The following NUP93 variants were observed in gnomAD, a reference collection of about 807,000 sequenced individuals.
NUP93 encodes nuclear pore complex protein Nup93.
Under a neutral mutation model 107.8 loss-of-function variants are expected in NUP93, and 55 were observed. The ratio of observed to expected loss-of-function variants is 0.51; its 90% confidence interval spans 0.41 to 0.64. The LOEUF (loss-of-function observed/expected upper bound fraction) is 0.64. Among genes scored for constraint, NUP93 ranks in the 30% least tolerant of loss-of-function variants. NUP93 has a pLI of 0.00. For missense variants in NUP93, 937 were observed against 1,044.7 expected (o/e 0.90, Z 1.42); for synonymous variants, 390 against 397.5 (o/e 0.98, Z 0.22).
At chr16:56,806,776 G>C (rs1255465165) in intron 5 of NUP93, among the ~76,000 whole-genome samples, 2 of 152,134 alleles carry the variant, frequency 1.3e-5, no homozygotes, top group Non-Finnish European at 2.9e-5. Context: ...CTTAAAAGTA[G>C]TATCCCACCT....
chr16:56,815,914 C>CTGGTGCTGCTGCTGCTGCTGG (rs1963420114), intron 5 of NUP93, among the ~76,000 whole-genome samples: 2 of 152,058 alleles, frequency 1.3e-5, no homozygotes, highest in African/African-American at 4.8e-5. Flanking sequence ...GCTGCTGCTG[C>CTGGTGCTGCTGCTGCTGCTGG]TGGTGCTGCT....
intron 21 of NUP93, among the ~76,000 whole-genome samples, chr16:56,844,177 T>G (rs900148082): frequency 2.6e-5 from 4 of 152,190 alleles, no homozygotes; most frequent in Non-Finnish European, 5.9e-5. Flanking sequence ...CAGGCAGTTC[T>G]GAAGCTCAGG....
At chr16:56,812,404 C>T (rs959213274) in intron 5 of NUP93, among the ~76,000 whole-genome samples, 8 of 151,964 alleles carry the variant, frequency 5.3e-5, no homozygotes, top group East Asian at 1.9e-4. Context: ...AGTGCAGTGG[C>T]GCGATCTTGG....
At chr16:56,841,915 T>C in intron 21 of NUP93, 82 bp downstream of exon 21, 11 of 1,553,408 alleles carry the variant, frequency 7.1e-6, no homozygotes, top group Non-Finnish European at 9.6e-6. Flanking sequence ...TGAGACCACA[T>C]GACCCAAAAC....
chr16:56,731,213 T>C (rs1961529310), intron 1 of NUP93, among the ~76,000 whole-genome samples: 1 of 152,104 alleles, frequency 6.6e-6, no homozygotes, highest in Admixed American at 6.5e-5. Context: ...ACCCACTTAA[T>C]ATCTCCACTG....
chr16:56,809,748 G>A (rs867835119), intron 5 of NUP93, among the ~76,000 whole-genome samples: 2 of 152,004 alleles, frequency 1.3e-5, no homozygotes, highest in Non-Finnish European at 2.9e-5. Flanking sequence ...CAGGGTTTTT[G>A]GTTTTGTTTT....
At chr16:56,752,704 T>A (rs1004967319) in intron 2 of NUP93, among the ~76,000 whole-genome samples, 2 of 152,088 alleles carry the variant, frequency 1.3e-5, no homozygotes, top group African/African-American at 4.8e-5. Flanking sequence ...AAAACAATCT[T>A]TAAAAAGCAG....
intron 1 of NUP93, among the ~76,000 whole-genome samples, chr16:56,734,935 T>C (rs1198472766): frequency 1.3e-5 from 2 of 152,194 alleles, no homozygotes; most frequent in African/African-American, 4.8e-5. Flanking sequence ...TCTCTATCTT[T>C]CTGACACGGC....
chr16:56,743,169 A>G (rs181248315), intron 1 of NUP93, among the ~76,000 whole-genome samples: 10 of 152,352 alleles, frequency 6.6e-5, no homozygotes, highest in African/African-American at 2.2e-4. Flanking sequence ...TTTATTTTTC[A>G]TAAGACTCAC....
At chr16:56,839,636 CT>C (rs745963461) in intron 20 of NUP93, 32 bp downstream of exon 20, 14 of 1,532,112 alleles carry the variant, frequency 9.1e-6, no homozygotes, top group South Asian at 2.2e-5. Flanking sequence ...TGTGGAATTC[CT>C]TTTTCCCCAC....
At chr16:56,785,593 T>A (rs1290619770) in intron 3 of NUP93, among the ~76,000 whole-genome samples, 1 of 152,198 alleles carries the variant, frequency 6.6e-6, no homozygotes, top group African/African-American at 2.4e-5. Context: ...AGCAAGCATG[T>A]CAGCCAGCTC....
chr16:56,747,485 A>G (rs1961839705), intron 1 of NUP93, among the ~76,000 whole-genome samples: 1 of 152,174 alleles, frequency 6.6e-6, no homozygotes. Flanking sequence ...ACAAGCAGGC[A>G]CAGATCTGTG....
At chr16:56,737,210 G>C (rs1367985479) in intron 1 of NUP93, among the ~76,000 whole-genome samples, 1 of 152,210 alleles carries the variant, frequency 6.6e-6, no homozygotes. Context: ...TCCGAGATCA[G>C]GATGCCAGCA....
chr16:56,793,930 G>A (rs1962825285), intron 3 of NUP93, among the ~76,000 whole-genome samples: 1 of 152,008 alleles, frequency 6.6e-6, no homozygotes, highest in Admixed American at 6.5e-5. Flanking sequence ...GCGTGTGCCT[G>A]TAGTCCCAGC....
At position 56,752,092 on chromosome 16, in the gene NUP93, T is replaced by A. The variant is rs116616750; in HGVS notation, c.179+3666T>A. On this transcript the variant is annotated intron_variant, in intron 2 of 21. Transcript: ENST00000308159. ...CAATTCTAGTAGATAATTTTTAAAT[T>A]CTGAGGTTCTCAAAATCCTGGTATA... Among the ~76,000 whole-genome samples, 1,144 of 152,318 alleles carry A rather than the reference T, an allele frequency of 7.5e-3. 19 individuals carry two copies. Among genetic ancestry groups the A allele is most frequent in the African/African-American group, 0.026 (1,075 of 41,556 alleles).
intron 3 of NUP93, among the ~76,000 whole-genome samples, chr16:56,779,219 G>A (rs141544648): frequency 6.6e-6 from 1 of 152,154 alleles, no homozygotes; most frequent in Non-Finnish European, 1.5e-5. Context: ...TCACTGTACT[G>A]TAGAGCCCTA....
intron 20 of NUP93, among the ~76,000 whole-genome samples, chr16:56,841,012 A>G (rs959645569): frequency 1.3e-5 from 2 of 152,024 alleles, no homozygotes; most frequent in Non-Finnish European, 2.9e-5. Context: ...AAAAAAAAAA[A>G]AGTTTCTATT....
chr16:56,796,516 CTATA>C (rs1268978317), intron 3 of NUP93, among the ~76,000 whole-genome samples: 1 of 152,182 alleles, frequency 6.6e-6, no homozygotes, highest in Non-Finnish European at 1.5e-5. Context: ...TGATGCTTGA[CTATA>C]TACTAAAACA....
intron 21 of NUP93, chr16:56,842,709 C>T (rs1337609544): frequency 2.4e-6 from 1 of 411,536 alleles, no homozygotes; most frequent in Non-Finnish European, 4.7e-6. Context: ...CGCACCACCA[C>T]ACCCAGCGGA....
Sources: allele counts gnomAD v4.1 joint callset (sites outside exome capture counted in the v4.1 genomes callset), GRCh38; gene constraint gnomAD v4.1.1; transcripts MANE v1.5; gene names NCBI Gene and HGNC (gene_info 2026-07-23, HGNC 2026-07-21).